The following FSTL5 variants were observed in gnomAD, a reference collection of about 807,000 sequenced individuals.
FSTL5 encodes follistatin like 5.
A neutral mutation model predicts 89.1 loss-of-function variants in FSTL5; 62 were observed. The ratio of observed to expected loss-of-function variants is 0.70; its 90% CI spans 0.57 to 0.86. The LOEUF (loss-of-function observed/expected upper bound fraction) is 0.86, where lower values mean the gene tolerates loss of function less well. Ranked by LOEUF, FSTL5 falls within the 40% of genes least tolerant of loss-of-function variation. The probability of loss-of-function intolerance (pLI) is 0.00; values close to 1 mark genes in which losing one functional copy is unlikely to be tolerated. For missense variants in FSTL5, 1,057 were observed against 1,001.6 expected (o/e 1.06, Z -0.75); for synonymous variants, 383 against 346.2 (o/e 1.11, Z -1.18).
chr4:161,590,192 C>T (rs1049682013), intron 7 of FSTL5, among the ~76,000 whole-genome samples: 3 of 152,090 alleles, frequency 2.0e-5, no homozygotes, highest in African/African-American at 7.2e-5. Context: ...GAAAATTTAT[C>T]TGATAAGGAT....
intron 3 of FSTL5, among the ~76,000 whole-genome samples, chr4:161,995,137 C>T (rs763384230): frequency 6.6e-6 from 1 of 151,846 alleles, no homozygotes; most frequent in Non-Finnish European, 1.5e-5. Flanking sequence ...TAGAGGTGTA[C>T]TCTGATAGAA....
chr4:161,748,605 CGTTTT>C lies in FSTL5; in HGVS notation c.727+10801_727+10805del, dbSNP rs1346743726. On this transcript the variant is annotated intron_variant, in intron 6 of 15. Transcript: ENST00000306100. ...ACTGAAATAATGCAAAGGGGAAGCA[CGTTTT>C]TTTTTTTTTTTTTTTTTTCTCAGAC... is the stretch of plus-strand genomic sequence containing the variant. 3.9e-3 allele frequency among the ~76,000 whole-genome samples: 407 copies of C among 105,216 alleles called. 2 individuals are homozygous for C. The highest frequency in any genetic ancestry group is 0.014 in the African/African-American group (373 of 26,858). The allele number at this position is 105,216 out of a possible 152,430, so 69.0% of individuals were successfully genotyped here. A position where few individuals can be genotyped will look rare whatever the true frequency, so the allele number is the denominator to read the frequency against.
intron 6 of FSTL5, among the ~76,000 whole-genome samples, chr4:161,677,520 T>G (rs1278573991): frequency 6.6e-6 from 1 of 151,978 alleles, no homozygotes; most frequent in African/African-American, 2.4e-5. Context: ...GAAATCTTAT[T>G]CCTTCTCTTC....
chr4:162,089,632 C>CAAAAAAAAAA (rs755573032), intron 2 of FSTL5, among the ~76,000 whole-genome samples: 7 of 42,538 alleles, frequency 1.6e-4, no homozygotes, highest in Non-Finnish European at 2.6e-4. Flanking sequence ...GAATCTGTCT[C>CAAAAAAAAAA]AAAAAAAAAA....
At chr4:161,701,777 G>C (rs1002122788) in intron 6 of FSTL5, among the ~76,000 whole-genome samples, 1 of 152,050 alleles carries the variant, frequency 6.6e-6, no homozygotes, top group African/African-American at 2.4e-5. Context: ...GGCTTATTCA[G>C]ATGTTACATT....
intron 4 of FSTL5, among the ~76,000 whole-genome samples, chr4:161,892,735 T>C (rs1733028257): frequency 2.0e-5 from 3 of 152,092 alleles, no homozygotes; most frequent in Admixed American, 6.6e-5. Flanking sequence ...GAAATTAAAA[T>C]GCCTCTGAAT....
intron 7 of FSTL5, among the ~76,000 whole-genome samples, chr4:161,648,110 C>T (rs555160399): frequency 6.6e-6 from 1 of 152,266 alleles, no homozygotes; most frequent in African/African-American, 2.4e-5. Flanking sequence ...ACTCATTCTC[C>T]AAGCCCATGT....
intron 4 of FSTL5, among the ~76,000 whole-genome samples, chr4:161,911,250 T>C (rs1278028026): frequency 6.6e-6 from 1 of 152,080 alleles, no homozygotes; most frequent in Non-Finnish European, 1.5e-5. Context: ...AATTCTCTTT[T>C]CTCTATAAAT....
At chr4:161,792,840 G>A (rs1729520682) in intron 4 of FSTL5, among the ~76,000 whole-genome samples, 1 of 152,116 alleles carries the variant, frequency 6.6e-6, no homozygotes, top group Non-Finnish European at 1.5e-5. Context: ...AATAATTTGG[G>A]ACCCACCAAA....
chr4:161,704,434 T>C lies in FSTL5; in HGVS notation c.728-47940A>G, dbSNP rs577902729. ...TTCACAACCTTGGCAAAATACACTT[T>C]CTAAATTAACTGAGAGCTGTCTCAG... On this transcript the variant is annotated intron_variant, in intron 6 of 15. Transcript: ENST00000306100. Among the ~76,000 whole-genome samples, 352 of 152,286 alleles carry C rather than the reference T, an allele frequency of 2.3e-3. 1 individual carries two copies. Among genetic ancestry groups the C allele is most frequent in the Non-Finnish European group, 2.8e-3 (190 of 68,022 alleles).
intron 4 of FSTL5, among the ~76,000 whole-genome samples, chr4:161,857,252 A>C (rs1237687437): frequency 6.6e-6 from 1 of 152,180 alleles, no homozygotes; most frequent in Non-Finnish European, 1.5e-5. Flanking sequence ...CAGATTCTCA[A>C]ATCAGATACA....
chr4:161,501,506 T>C (rs1423690999), intron 11 of FSTL5, among the ~76,000 whole-genome samples: 1 of 152,036 alleles, frequency 6.6e-6, no homozygotes, highest in African/African-American at 2.4e-5. Context: ...TGCATACAAT[T>C]TTTCTTTTAG....
chr4:161,615,152 G>T (rs1455323714), intron 7 of FSTL5, among the ~76,000 whole-genome samples: 1 of 151,672 alleles, frequency 6.6e-6, no homozygotes, highest in East Asian at 1.9e-4. Flanking sequence ...AAATTAGCCG[G>T]GTGTGGAAGC....
At chr4:161,887,436 A>AT (rs1732848135) in intron 4 of FSTL5, among the ~76,000 whole-genome samples, 1 of 142,904 alleles carries the variant, frequency 7.0e-6, no homozygotes, top group African/African-American at 2.6e-5. Flanking sequence ...TCATCTATCT[A>AT]CCTATCATCT....
At chr4:161,564,031 C>T (rs1206274868) in intron 8 of FSTL5, among the ~76,000 whole-genome samples, 1 of 151,742 alleles carries the variant, frequency 6.6e-6, no homozygotes, top group Middle Eastern at 3.2e-3. Flanking sequence ...AACTATGCCC[C>T]TCATCCACAT....
intron 7 of FSTL5, among the ~76,000 whole-genome samples, chr4:161,636,507 A>G (rs1188603379): frequency 1.5e-5 from 2 of 134,220 alleles, no homozygotes; most frequent in African/African-American, 5.7e-5. Context: ...ACATGTGCAC[A>G]TTGCGCAGGT....
intron 3 of FSTL5, among the ~76,000 whole-genome samples, chr4:161,980,240 A>G (rs1178670888): frequency 6.9e-6 from 1 of 145,730 alleles, no homozygotes; most frequent in Non-Finnish European, 1.5e-5. Flanking sequence ...AAGAAAGAAG[A>G]AAGGAAGAAG....
At chr4:161,430,536 C>T (rs532526231) in intron 15 of FSTL5, among the ~76,000 whole-genome samples, 13 of 152,082 alleles carry the variant, frequency 8.5e-5, no homozygotes, top group Non-Finnish European at 1.8e-4. Flanking sequence ...GTCAGGAGAT[C>T]GAGACCATCC....
intron 7 of FSTL5, among the ~76,000 whole-genome samples, chr4:161,640,611 A>C (rs551305183): frequency 4.5e-4 from 69 of 152,328 alleles, no homozygotes; most frequent in African/African-American, 1.6e-3. Flanking sequence ...TAAATCATGA[A>C]GCCTCAGGAA....
Sources: allele counts gnomAD v4.1 joint callset (sites outside exome capture counted in the v4.1 genomes callset), GRCh38; gene constraint gnomAD v4.1.1; transcripts MANE v1.5; gene names NCBI Gene and HGNC (gene_info 2026-07-23, HGNC 2026-07-21).